The following CCDC154 variants were observed in gnomAD, a reference collection of about 807,000 sequenced individuals.
The protein encoded by CCDC154 is coiled-coil domain containing 154.
Under a neutral mutation model 87.5 loss-of-function variants are expected in CCDC154, and 91 were observed. The ratio of observed to expected loss-of-function variants is 1.04; its 90% CI spans 0.88 to 1.24. The LOEUF (loss-of-function observed/expected upper bound fraction) is 1.24. CCDC154 is among the 50% of genes most tolerant of loss of function. The pLI is 0.00. For missense variants in CCDC154, 903 were observed against 879.2 expected (o/e 1.03, Z -0.34); for synonymous variants, 418 against 400.4 (o/e 1.04, Z -0.52).
In CCDC154 at chr16:1,438,104, G is replaced by A. The variant is rs1474512528; in HGVS notation, c.1098C>T (p.Ala366=). Residue 366 remains alanine (A), a synonymous_variant, in exon 10 of 17, where the codon GCC becomes GCT. Transcript: ENST00000389176. ...LAAYVQENLE[A]AQLAGELARQ... is the part of the protein sequence containing the mutation. Reference sequence around the variant, plus strand: ...GGGCCAGCTCGCCAGCCAGCTGTGCGGCCTCCAGGTTCTCCTGCACATAGG... The same window carrying A: ...GGGCCAGCTCGCCAGCCAGCTGTGCAGCCTCCAGGTTCTCCTGCACATAGG... 30 of 1,548,626 alleles carry A rather than the reference G, an allele frequency of 1.9e-5. No homozygotes were observed. Among genetic ancestry groups the A allele is most frequent in the African/African-American group, 2.7e-5 (2 of 73,016 alleles).
intron 15 of CCDC154, 28 bp downstream of exon 15, chr16:1,435,061 C>T (rs1054158965): frequency 1.2e-5 from 18 of 1,540,178 alleles, no homozygotes; most frequent in South Asian, 2.4e-5. Context: ...GGGAGCTGGG[C>T]GGTGCCGGCC....
chr16:1,443,463 C>A, intron 3 of CCDC154, 43 bp downstream of exon 3: 2 of 1,435,040 alleles, frequency 1.4e-6, no homozygotes, highest in Admixed American at 2.8e-5. Flanking sequence ...CCCCAACACC[C>A]AGGAAAGGGG....
chr16:1,438,818 A>C lies in CCDC154; in HGVS notation c.903T>G (p.His301Gln). 1 of 1,541,508 alleles carries C rather than the reference A, an allele frequency of 6.5e-7. No homozygotes were observed. ...EERLRALQGQ[H>Q]EESHLLEQCQ... is the part of the protein sequence containing the mutation. ...CCCGCCGCCCGCCCGGCCCCACCTC[A>C]TGCTGCCCCTGCAGGGCCCGCAGGC... The change falls in exon 8 of 17, where the codon CAT (histidine) becomes CAG (glutamine). Residue 301 changes from histidine (H) to glutamine (Q), a missense_variant. Transcript: ENST00000389176.
chr16:1,441,183 G>A (rs539013586), intron 6 of CCDC154, among the ~76,000 whole-genome samples: 47 of 152,280 alleles, frequency 3.1e-4, no homozygotes, highest in African/African-American at 9.9e-4. Context: ...TCAGACACCC[G>A]GACTCAGGGA....
At chr16:1,442,790 C>G (rs554889070) in intron 5 of CCDC154, 90 bp downstream of exon 5, 1 of 1,330,458 alleles carries the variant, frequency 7.5e-7, no homozygotes, top group African/African-American at 1.4e-5. Flanking sequence ...TGGGGACACA[C>G]GGCAGGGGGA....
At position 1,444,018 on chromosome 16, in the gene CCDC154, A is replaced by G; in HGVS notation, c.8-6T>C. ...GGGTCCACTGTCAGCCAACTCTACA[A>G]GGAGGCATCTTGGGAGCTTGCCCCT... On this transcript the variant is annotated splice_polypyrimidine_tract_variant and splice_region_variant and intron_variant, in intron 1 of 16. Transcript: ENST00000389176. The G allele has an allele frequency of 7.7e-7, 1 of 1,297,886 alleles. No individual in the cohort carries two copies. 80.4% of individuals were successfully genotyped at this position (1,297,886 alleles called of 1,614,324 possible).
rs2038522832 is a variant in CCDC154 at position 1,438,604 on chromosome 16, C to A, written c.1025+15G>T. 2 of 1,545,630 alleles carry A rather than the reference C, an allele frequency of 1.3e-6. No homozygotes were observed. Among genetic ancestry groups the A allele is most frequent in the African/African-American group, 1.4e-5 (1 of 72,924 alleles). ...TCCCCCCGCCTGACAGCACCTGAGG[C>A]CCCAGGACACCCACCAGGCTTTCTC... On this transcript the variant is annotated intron_variant, in intron 9 of 16. Transcript: ENST00000389176.
intron 13 of CCDC154, 61 bp downstream of exon 13, chr16:1,436,384 G>T: frequency 7.3e-7 from 1 of 1,374,506 alleles, no homozygotes; most frequent in Non-Finnish European, 1.0e-6. Context: ...CGTGGGGACC[G>T]GCCCAGCCCA....
In CCDC154 at chr16:1,442,346, G is replaced by A. The variant is rs545626399; in HGVS notation, c.675+60C>T. On this transcript the variant is annotated intron_variant, in intron 6 of 16. Transcript: ENST00000389176. ...TGTATCGGATGGCACAGGCCGAGAG[G>A]GTTAGGGTCTCCTCCTCGGCCCTCT... is the stretch of plus-strand genomic sequence containing the variant. 24 of 1,495,474 alleles carry A rather than the reference G, an allele frequency of 1.6e-5. No individual in the cohort carries two copies. In the African/African-American group the frequency reaches 2.1e-4, roughly 13 times the overall value. The allele number at this position is 1,495,474 out of a possible 1,614,324, so 92.6% of individuals were successfully genotyped here. A position where few individuals can be genotyped will look rare whatever the true frequency, so the allele number is the denominator to read the frequency against.
At position 1,443,604 on chromosome 16, in the gene CCDC154, G is replaced by C; in HGVS notation, c.316C>G (p.Gln106Glu). 1 of 1,440,602 alleles carries C rather than the reference G, an allele frequency of 6.9e-7. No individual in the cohort carries two copies. The highest frequency in any genetic ancestry group is 9.2e-7 in the Non-Finnish European group (1 of 1,091,440). The allele number at this position is 1,440,602 out of a possible 1,614,324, so 89.2% of individuals were successfully genotyped here. Residue 106 changes from glutamine (Q) to glutamate (E), a missense_variant, in exon 3 of 17, where the codon CAG becomes GAG. Coordinates refer to ENST00000389176, the MANE Select transcript of CCDC154 (RefSeq NM_001143980.3). ...TGCAGCTGCACGCGGGCCCGCACCT[G>C]GAGCAGCTCCCGCAGCAGGCTCCGC... ...ATRSLLRELL[Q>E]VRARVQLQGS...
chr16:1,442,473 C>G lies in CCDC154; in HGVS notation c.608G>C (p.Cys203Ser), dbSNP rs1744488031. The G allele has an allele frequency of 6.5e-7, 1 of 1,550,110 alleles. No homozygotes were observed. Among genetic ancestry groups the G allele is most frequent in the African/African-American group, 1.4e-5 (1 of 73,036 alleles). Residue 203 changes from cysteine to serine, a missense_variant, in exon 6 of 17, where the codon TGC becomes TCC. Coordinates refer to ENST00000389176, the MANE Select transcript of CCDC154 (RefSeq NM_001143980.3). Reference sequence around the variant, plus strand: ...CTCTTGGTTCTTCTGCAGGGCGCCGCAGGCCACCTCCCGGCCCTGCTCCTC... The same window carrying G: ...CTCTTGGTTCTTCTGCAGGGCGCCGGAGGCCACCTCCCGGCCCTGCTCCTC... ...QQEEQGREVA[C>S]GALQKNQEDS... is the part of the protein sequence containing the mutation.
At position 1,438,293 on chromosome 16, in the gene CCDC154, A is replaced by T; in HGVS notation, c.1026-117T>A. Reference sequence around the variant, plus strand: ...ACCTCCCAGGAGACCCTGGGATCGGAAGATGGGGTGCGGTCACAGTGCCAC... The same window carrying T: ...ACCTCCCAGGAGACCCTGGGATCGGTAGATGGGGTGCGGTCACAGTGCCAC... On this transcript the variant is annotated intron_variant, in intron 9 of 16. Coordinates refer to ENST00000389176, the MANE Select transcript of CCDC154 (RefSeq NM_001143980.3). The T allele has an allele frequency of 2.3e-6, 3 of 1,297,748 alleles. No individual in the cohort carries two copies. The South Asian group carries it at 4.9e-5, about 21-fold the overall frequency. The allele number at this position is 1,297,748 out of a possible 1,614,324, so 80.4% of individuals were successfully genotyped here.
Position 1,437,907 on chromosome 16 carries a change from G to A in CCDC154, c.1200C>T (p.Ala400=), listed in dbSNP as rs184086414. Residue 400 remains alanine (A), a synonymous_variant, in exon 11 of 17, where the codon GCC becomes GCT. Coordinates refer to ENST00000389176, the MANE Select transcript of CCDC154 (RefSeq NM_001143980.3). ...GGCCACTCAGCTCCTTTAACTGCCC[G>A]GCCAGCTGCGCCACGGATGCCTCCA... ...RALEASVAQL[A]GQLKELSGHL... 122 of 1,546,810 alleles carry A rather than the reference G, an allele frequency of 7.9e-5. 2 individuals are homozygous for A. In the Middle Eastern group the frequency reaches 2.5e-3, roughly 32 times the overall value.
rs375651819 is a variant in CCDC154 at position 1,444,002 on chromosome 16, G to C, written c.18C>G (p.Asp6Glu). The change falls in exon 2 of 17, where the codon GAC (aspartate) becomes GAG (glutamate). Residue 6 changes from aspartate (D) to glutamate (E), a missense_variant. By Grantham distance (45) the Asp-to-Glu change is conservative (BLOSUM62 2). Transcript: ENST00000389176. MSELA[D>E]SGPSGASAPS... is the part of the protein sequence containing the mutation. ...GGGCCGATGCCCCTGAGGGTCCACT[G>C]TCAGCCAACTCTACAAGGAGGCATC... 5 of 1,299,936 alleles carry C rather than the reference G, an allele frequency of 3.8e-6. No homozygotes were observed. The African/African-American group carries it at 7.6e-5, about 20-fold the overall frequency. The allele number at this position is 1,299,936 out of a possible 1,614,324, so 80.5% of individuals were successfully genotyped here.
chr16:1,435,504 C>CTGTTTTTGTTTT (rs566105546), intron 14 of CCDC154, among the ~76,000 whole-genome samples: 1 of 151,718 alleles, frequency 6.6e-6, no homozygotes, highest in Non-Finnish European at 1.5e-5. Flanking sequence ...CCAGGGACAG[C>CTGTTTTTGTTTT]TGTTTTTGTT....
intron 14 of CCDC154, 92 bp from the exon 15 acceptor site, chr16:1,435,267 T>A: frequency 8.6e-7 from 1 of 1,164,978 alleles, no homozygotes; most frequent in Non-Finnish European, 1.2e-6. Flanking sequence ...GTTGAGTGCT[T>A]ACAGCTTGGG....
rs574582341 is a variant in CCDC154 at position 1,443,464 on chromosome 16, A to G, written c.414+42T>C. 2.8e-6 allele frequency: 4 copies of G among 1,433,884 alleles called. No individual in the cohort carries two copies. In the South Asian group the frequency reaches 5.9e-5, roughly 21 times the overall value. The allele number at this position is 1,433,884 out of a possible 1,614,324, so 88.8% of individuals were successfully genotyped here. A position where few individuals can be genotyped will look rare whatever the true frequency, so the allele number is the denominator to read the frequency against. Reference sequence around the variant, plus strand: ...CCAGAAGCAGCTGCCCCCAACACCCAGGAAAGGGGCAGCTCGACCTGTGGG... The same window carrying G: ...CCAGAAGCAGCTGCCCCCAACACCCGGGAAAGGGGCAGCTCGACCTGTGGG... On this transcript the variant is annotated intron_variant, in intron 3 of 16. Transcript: ENST00000389176.
Position 1,443,955 on chromosome 16 carries a change from G to C in CCDC154, c.65C>G (p.Thr22Ser). 7.7e-7 allele frequency: 1 copy of C among 1,303,552 alleles called. No individual in the cohort carries two copies. Among genetic ancestry groups the C allele is most frequent in the Non-Finnish European group, 1.0e-6 (1 of 988,946 alleles). 80.7% of individuals were successfully genotyped at this position (1,303,552 alleles called of 1,614,324 possible). A position where few individuals can be genotyped will look rare whatever the true frequency, so the allele number is the denominator to read the frequency against. The change falls in exon 2 of 17, where the codon ACC becomes AGC. Residue 22 changes from threonine to serine, a missense_variant. Coordinates refer to ENST00000389176, the MANE Select transcript of CCDC154 (RefSeq NM_001143980.3). ...ASAPSQLRAV[T>S]LEDLGLLLAG... Reference sequence around the variant, plus strand: ...CAGGAGGAGCCCCAGGTCTTCCAGGGTGACGGCTCTCAGCTGGGAAGGGGC... The same window carrying C: ...CAGGAGGAGCCCCAGGTCTTCCAGGCTGACGGCTCTCAGCTGGGAAGGGGC...
chr16:1,437,020 G>A (rs768235044), intron 11 of CCDC154: 15 of 648,954 alleles, frequency 2.3e-5, no homozygotes, highest in East Asian at 2.3e-4. Context: ...GGGCAGCCGA[G>A]GGCCCGTGGG....
Sources: allele counts gnomAD v4.1 joint callset (sites outside exome capture counted in the v4.1 genomes callset), GRCh38; gene constraint gnomAD v4.1.1; transcripts MANE v1.5; gene names NCBI Gene and HGNC (gene_info 2026-07-23, HGNC 2026-07-21).